PUM1: variants seen among roughly 807,000 people sequenced by gnomAD.
PUM1 encodes pumilio RNA binding family member 1.
Under a neutral mutation model 131.8 loss-of-function variants are expected in PUM1, and 13 were observed. That is an observed-to-expected ratio of 0.10 (90% confidence interval 0.06 to 0.16). PUM1 has a LOEUF of 0.16. PUM1 is among the 10% of genes least tolerant of loss of function. PUM1 has a pLI of 1.00. For missense variants in PUM1, 961 were observed against 1,512.4 expected, an observed-to-expected ratio of 0.64 and a Z score of 6.05; for synonymous variants, 509 against 556.5, an observed-to-expected ratio of 0.91 and a Z score of 1.20.
intron 14 of PUM1, among the ~76,000 whole-genome samples, chr1:30,956,426 G>C (rs1640169585): frequency 6.6e-6 from 1 of 152,012 alleles, no homozygotes; most frequent in Non-Finnish European, 1.5e-5. Flanking sequence ...ACCACGCCCG[G>C]CTAATTTTTG....
rs1442420335 is a variant in PUM1, at chr1:31,000,034, G to A, written c.721-4814C>T. Among the ~76,000 whole-genome samples, 5 of 152,182 alleles carry A rather than the reference G, an allele frequency of 3.3e-5. No individual in the cohort carries two copies. In the East Asian group the frequency reaches 9.6e-4, roughly 29 times the overall value. On this transcript the variant is annotated intron_variant, in intron 5 of 21. Transcript: ENST00000426105. ...AATCTTTTTAAATTCACAGGTGGCT[G>A]GGCCCACCCTCTGCACCAGAGATTG...
At chr1:31,025,408 C>T (rs1643182933) in intron 3 of PUM1, among the ~76,000 whole-genome samples, 1 of 152,158 alleles carries the variant, frequency 6.6e-6, no homozygotes, top group South Asian at 2.1e-4. Context: ...TAATGACTCA[C>T]ACAGATGCAC....
rs1269043640 is a variant in PUM1, at chr1:31,007,060, T to C, written c.475A>G (p.Ser159Gly). The C allele has an allele frequency of 2.5e-6, 4 of 1,613,982 alleles. No homozygotes were observed. Among genetic ancestry groups the C allele is most frequent in the Non-Finnish European group, 3.4e-6 (4 of 1,179,944 alleles). ...GKKFWETDES[S>G]KDGPKGIFLG... is the part of the protein sequence containing the mutation. ...AATATTCCTTTTGGTCCATCTTTGC[T>C]GGATTCATCTGTTTCCCAAAACTTT... is the stretch of plus-strand genomic sequence containing the variant. The change falls in exon 4 of 22, where the codon AGC becomes GGC. Residue 159 changes from serine to glycine, a missense_variant. By Grantham distance (56) the Ser-to-Gly change is moderately conservative. Transcript: ENST00000426105.
intron 17 of PUM1, among the ~76,000 whole-genome samples, chr1:30,946,323 C>G (rs1472882955): frequency 6.7e-6 from 1 of 148,536 alleles, no homozygotes; most frequent in Admixed American, 6.9e-5. Flanking sequence ...AATTATTTAT[C>G]ACAGAGCCTA....
intron 2 of PUM1, among the ~76,000 whole-genome samples, chr1:31,058,914 GAGCCGAGATCA>G (rs1229722768): frequency 6.6e-6 from 1 of 152,112 alleles, no homozygotes; most frequent in Non-Finnish European, 1.5e-5. Flanking sequence ...CAGCTGCAGT[GAGCCGAGATCA>G]AGCCGAGATC....
chr1:31,006,173 A>G, intron 4 of PUM1, 142 bp from the exon 5 acceptor site: 1 of 578,378 alleles, frequency 1.7e-6, no homozygotes, highest in South Asian at 2.9e-5. Context: ...CCCTCACTGT[A>G]TGATATTCAA....
At chr1:30,933,782 C>T (rs145456619) in intron 21 of PUM1, among the ~76,000 whole-genome samples, 4 of 152,320 alleles carry the variant, frequency 2.6e-5, no homozygotes, top group Non-Finnish European at 5.9e-5. Flanking sequence ...GGGGTTATTT[C>T]GGGTCACCAG....
intron 21 of PUM1, 129 bp from the exon 22 acceptor site, chr1:30,933,471 C>G: frequency 1.2e-6 from 1 of 855,984 alleles, no homozygotes; most frequent in Non-Finnish European, 1.9e-6. Context: ...CACACACACA[C>G]ACACACACAC....
intron 10 of PUM1, among the ~76,000 whole-genome samples, chr1:30,969,003 A>G (rs181321943): frequency 6.6e-6 from 1 of 151,628 alleles, no homozygotes; most frequent in Admixed American, 6.6e-5. Flanking sequence ...GTGGGTGAAG[A>G]AAAAAAAAGA....
At chr1:31,007,806 C>A (rs1165312124) in intron 3 of PUM1, among the ~76,000 whole-genome samples, 2 of 152,138 alleles carry the variant, frequency 1.3e-5, no homozygotes, top group Non-Finnish European at 2.9e-5. Flanking sequence ...TGGCCATAAG[C>A]CAACATGAGA....
Position 31,007,001 on chromosome 1 carries a change from T to C in PUM1, c.534A>G (p.Gly178=), listed in dbSNP as rs141708581. 5.6e-6 allele frequency: 9 copies of C among 1,612,450 alleles called. No individual in the cohort carries two copies. Among genetic ancestry groups the C allele is most frequent in the Non-Finnish European group, 6.8e-6 (8 of 1,178,530 alleles). ...LGDQWRDSAW[G]TSDHSVSQPI... ...ATGCTAGATCTAGATTACCTGATGTTCCCCAGGCACTGTCTCGCCATTGAT... is the reference window on the plus strand; with the variant it reads ...ATGCTAGATCTAGATTACCTGATGTCCCCCAGGCACTGTCTCGCCATTGAT... The change falls in exon 4 of 22, where the codon GGA becomes GGG. Residue 178 remains glycine (G), a synonymous_variant. Transcript: ENST00000426105.
chr1:30,949,004 T>C, intron 17 of PUM1: 1 of 439,012 alleles, frequency 2.3e-6, no homozygotes, highest in East Asian at 7.0e-5. Context: ...CACATACCTT[T>C]GAAACTTATC....
intron 17 of PUM1, among the ~76,000 whole-genome samples, chr1:30,945,968 TAG>T (rs1195655818): frequency 6.6e-6 from 1 of 152,024 alleles, no homozygotes; most frequent in Non-Finnish European, 1.5e-5. Flanking sequence ...GTATTTTTAC[TAG>T]AGACGGGGTC....
chr1:30,941,835 T>C (rs1639448236), intron 19 of PUM1, 163 bp downstream of exon 19: 3 of 797,210 alleles, frequency 3.8e-6, no homozygotes, highest in East Asian at 8.1e-5. Context: ...CCCATATTCA[T>C]AAAACACAAA....
intron 9 of PUM1, among the ~76,000 whole-genome samples, chr1:30,979,192 CAG>C (rs781234305): frequency 1.3e-5 from 2 of 149,194 alleles, no homozygotes; most frequent in Non-Finnish European, 3.0e-5. Flanking sequence ...CAAATAAAAA[CAG>C]TGCAGTAATT....
At chr1:30,966,999 G>A in intron 12 of PUM1, 168 bp downstream of exon 12, 6 of 728,468 alleles carry the variant, frequency 8.2e-6, no homozygotes, top group Non-Finnish European at 6.0e-6. Context: ...CAACAAAAAG[G>A]AGAATCCACT....
chr1:30,956,017 T>A (rs61472206), intron 14 of PUM1, among the ~76,000 whole-genome samples: 2,459 of 152,274 alleles, frequency 0.016, 73 homozygotes, highest in African/African-American at 0.055. Context: ...GAAATGTTCA[T>A]CCAAAGATAC....
intron 3 of PUM1, among the ~76,000 whole-genome samples, chr1:31,019,312 G>T (rs532403309): frequency 6.6e-6 from 1 of 152,156 alleles, no homozygotes; most frequent in African/African-American, 2.4e-5. Flanking sequence ...ACATAGTGCC[G>T]CTGCGCTCCA....
At chr1:30,971,689 G>A (rs1275540907) in intron 10 of PUM1, among the ~76,000 whole-genome samples, 1 of 152,062 alleles carries the variant, frequency 6.6e-6, no homozygotes, top group African/African-American at 2.4e-5. Flanking sequence ...TTCCTCAATC[G>A]ATTTCCTCTC....
Sources: gnomAD v4.1 joint callset for allele counts (sites outside exome capture counted in the v4.1 genomes callset) on GRCh38, gnomAD v4.1.1 for gene constraint, MANE v1.5 for transcripts, NCBI Gene and HGNC (gene_info 2026-07-23, HGNC 2026-07-21) for gene names.